The following HPSE2 variants were observed in gnomAD, a reference collection of about 807,000 sequenced individuals.
HPSE2 encodes inactive heparanase-2.
Under a neutral mutation model 60.5 loss-of-function variants are expected in HPSE2, and 38 were observed. That is an observed-to-expected ratio of 0.63 (90% CI 0.48 to 0.82). The LOEUF is 0.82. Ranked by LOEUF, HPSE2 falls within the 40% of genes least tolerant of loss-of-function variation. HPSE2 has a pLI of 0.00. For synonymous variants in HPSE2, 295 were observed against 293.2 expected, an observed-to-expected ratio of 1.01 and a Z score of -0.06; for missense variants, 713 against 740.4, an observed-to-expected ratio of 0.96 and a Z score of 0.43.
chr10:99,203,951 C>A (rs893862824), intron 2 of HPSE2, among the ~76,000 whole-genome samples: 3 of 152,092 alleles, frequency 2.0e-5, no homozygotes, highest in African/African-American at 7.2e-5. Context: ...GTTCCAGGAC[C>A]ACCCCTAGAA....
chr10:98,939,861 A>T (rs1370132720), intron 3 of HPSE2, among the ~76,000 whole-genome samples: 11 of 144,152 alleles, frequency 7.6e-5, no homozygotes, highest in Middle Eastern at 3.6e-3. Context: ...ATGTAAAAGA[A>T]CAGAAATTAT....
Position 98,686,248 on chromosome 10 carries a change from TGTAA to T in HPSE2, c.1004+7648_1004+7651del, listed in dbSNP as rs148364837. ...TCAGATAGAAATGGAGATCATTGCT[TGTAA>T]GTGTTTCTTTTCTCACATAAGCATA... On this transcript the variant is annotated intron_variant, in intron 6 of 11. Coordinates refer to ENST00000370552, the MANE Select transcript of HPSE2 (RefSeq NM_021828.5). 6.9e-3 allele frequency among the ~76,000 whole-genome samples: 1,044 copies of T among 152,294 alleles called. 9 individuals carry two copies. Among genetic ancestry groups the T allele is most frequent in the South Asian group, 0.027 (130 of 4,826 alleles).
intron 3 of HPSE2, among the ~76,000 whole-genome samples, chr10:98,874,634 C>A (rs1158766221): frequency 6.6e-6 from 1 of 152,038 alleles, no homozygotes; most frequent in African/African-American, 2.4e-5. Context: ...CTGGCCAGAA[C>A]TTCCAATACT....
Position 99,167,001 on chromosome 10 carries a change from T to TTTTGTTTG in HPSE2, c.449-22610_449-22603dup, listed in dbSNP as rs554070927. Among the ~76,000 whole-genome samples, 265 of 150,238 alleles carry TTTTGTTTG rather than the reference T, an allele frequency of 1.8e-3. 1 individual carries two copies. The highest frequency in any genetic ancestry group is 7.8e-3 in the South Asian group (37 of 4,740). Reference sequence around the variant, plus strand: ...TTTCTTTTTTTCTTTTTTCTTTCCTTTTTGTTTGTTTGTTTGTTTGTTTGT... The same window carrying TTTTGTTTG: ...TTTCTTTTTTTCTTTTTTCTTTCCTTTTTGTTTGTTTGTTTGTTTGTTTGTTTGTTTGT... On this transcript the variant is annotated intron_variant, in intron 2 of 11. Transcript: ENST00000370552.
chr10:98,802,222 T>C (rs1950926221), intron 3 of HPSE2, among the ~76,000 whole-genome samples: 1 of 151,778 alleles, frequency 6.6e-6, no homozygotes, highest in South Asian at 2.1e-4. Context: ...ACTATAAAAC[T>C]ACCAAGAGAA....
intron 6 of HPSE2, among the ~76,000 whole-genome samples, chr10:98,648,308 G>A (rs1271183227): frequency 6.6e-6 from 1 of 152,144 alleles, no homozygotes; most frequent in Non-Finnish European, 1.5e-5. Flanking sequence ...AAAGGAAAGA[G>A]GTAGGGAAAT....
At chr10:98,754,056 A>T (rs1014820685) in intron 3 of HPSE2, among the ~76,000 whole-genome samples, 1 of 152,190 alleles carries the variant, frequency 6.6e-6, no homozygotes, top group East Asian at 1.9e-4. Flanking sequence ...TGCAATGGAG[A>T]TCACTGAGAT....
chr10:99,100,284 G>C (rs1843905699), intron 3 of HPSE2, among the ~76,000 whole-genome samples: 1 of 152,168 alleles, frequency 6.6e-6, no homozygotes, highest in African/African-American at 2.4e-5. Flanking sequence ...AACCAGCATA[G>C]AGAAGTCCTT....
chr10:98,563,257 C>T (rs1319913578), intron 9 of HPSE2, among the ~76,000 whole-genome samples: 1 of 152,176 alleles, frequency 6.6e-6, no homozygotes, highest in Non-Finnish European at 1.5e-5. Context: ...TATAAGCACA[C>T]ATTGCAACAT....
chr10:99,149,910 G>C (rs534235022), intron 2 of HPSE2, among the ~76,000 whole-genome samples: 2 of 150,728 alleles, frequency 1.3e-5, no homozygotes, highest in South Asian at 4.2e-4. Flanking sequence ...TTTCTGGCCT[G>C]GATGATCTCT....
At chr10:98,545,170 C>T (rs919426713) in intron 9 of HPSE2, among the ~76,000 whole-genome samples, 142 of 152,060 alleles carry the variant, frequency 9.3e-4, no homozygotes, top group Non-Finnish European at 1.6e-3. Context: ...CAATAGCTTA[C>T]CAAACAAAAA....
At chr10:98,750,114 T>G (rs1483797653) in intron 3 of HPSE2, among the ~76,000 whole-genome samples, 1 of 151,450 alleles carries the variant, frequency 6.6e-6, no homozygotes, top group Admixed American at 6.6e-5. Flanking sequence ...GCATCACAAT[T>G]AAGGTGTCAT....
chr10:99,057,124 G>C (rs1358967323), intron 3 of HPSE2, among the ~76,000 whole-genome samples: 1 of 152,052 alleles, frequency 6.6e-6, no homozygotes, highest in Non-Finnish European at 1.5e-5. Context: ...CTGAGGTGGT[G>C]GTTACATAGG....
chr10:98,530,825 G>A (rs74156629), intron 9 of HPSE2, among the ~76,000 whole-genome samples: 10,063 of 152,098 alleles, frequency 0.066, 1,097 homozygotes, highest in African/African-American at 0.23. Flanking sequence ...TCCCACCCCC[G>A]AGGTGGCCCT....
intron 2 of HPSE2, among the ~76,000 whole-genome samples, chr10:99,218,383 TC>T (rs1339486078): frequency 6.6e-6 from 1 of 151,746 alleles, no homozygotes; most frequent in Admixed American, 6.6e-5. Flanking sequence ...ACACAGGAAA[TC>T]CCCCTTACCA....
At chr10:98,799,886 G>A (rs181901471) in intron 3 of HPSE2, among the ~76,000 whole-genome samples, 1 of 151,854 alleles carries the variant, frequency 6.6e-6, no homozygotes, top group Non-Finnish European at 1.5e-5. Flanking sequence ...AGAAATGCAA[G>A]AGCAAACTGA....
At chr10:99,244,929 T>A in the HPSE2 span, among the ~76,000 whole-genome samples, 4 of 152,024 alleles carry the variant, frequency 2.6e-5, no homozygotes, top group Non-Finnish European at 5.9e-5. Context: ...ATCCAAGAAC[T>A]TCCTTAATTC....
At chr10:98,831,058 C>T (rs1485229557) in intron 3 of HPSE2, among the ~76,000 whole-genome samples, 1 of 152,188 alleles carries the variant, frequency 6.6e-6, no homozygotes, top group Non-Finnish European at 1.5e-5. Context: ...TTCTCCACCC[C>T]TCTGCATTTC....
At chr10:98,910,970 G>A (rs539257861) in intron 3 of HPSE2, among the ~76,000 whole-genome samples, 1 of 152,236 alleles carries the variant, frequency 6.6e-6, no homozygotes, top group African/African-American at 2.4e-5. Flanking sequence ...AGAAAATGTT[G>A]AGACTTTCTG....
Sources: gnomAD v4.1 joint callset for allele counts (sites outside exome capture counted in the v4.1 genomes callset) on GRCh38, gnomAD v4.1.1 for gene constraint, MANE v1.5 for transcripts, NCBI Gene and HGNC (gene_info 2026-07-23, HGNC 2026-07-21) for gene names.